Variants in CCDC146 observed in about 807,000 individuals in gnomAD.
CCDC146 encodes coiled-coil domain-containing protein 146.
Under a neutral mutation model 119.3 loss-of-function variants are expected in CCDC146, and 92 were observed. That is an observed-to-expected ratio of 0.77 (90% confidence interval 0.65 to 0.92). The LOEUF (loss-of-function observed/expected upper bound fraction) is 0.92, where lower values mean the gene tolerates loss of function less well. CCDC146 is among the 40% of genes least tolerant of loss of function. The pLI is 0.00. For synonymous variants in CCDC146, 372 were observed against 371.8 expected (o/e 1.00, Z -0.01); for missense variants, 1,000 against 1,103.0 (o/e 0.91, Z 1.32).
chr7:77,287,271 T>A (rs1793864847), intron 16 of CCDC146, 169 bp from the exon 17 acceptor site: 6 of 655,156 alleles, frequency 9.2e-6, no homozygotes, highest in Non-Finnish European at 1.6e-5. Context: ...ATACTCGAAC[T>A]CCCAGAGGTA....
intron 2 of CCDC146, among the ~76,000 whole-genome samples, chr7:77,203,249 G>A (rs979920856): frequency 5.3e-5 from 8 of 151,998 alleles, no homozygotes; most frequent in African/African-American, 1.9e-4. Flanking sequence ...GAAAGAGAGG[G>A]ACAACTCTGA....
chr7:77,239,455 C>G (rs1034057647), intron 3 of CCDC146, among the ~76,000 whole-genome samples: 1 of 152,210 alleles, frequency 6.6e-6, no homozygotes, highest in Non-Finnish European at 1.5e-5. Context: ...TTGCTAGATG[C>G]TATTGAGCAA....
chr7:77,260,690 G>T (rs1302487736), intron 8 of CCDC146, among the ~76,000 whole-genome samples: 1 of 152,128 alleles, frequency 6.6e-6, no homozygotes, highest in Non-Finnish European at 1.5e-5. Context: ...GCAGTGGCAC[G>T]ATCTTGGCTC....
intron 2 of CCDC146, among the ~76,000 whole-genome samples, chr7:77,200,360 C>T (rs1026865499): frequency 6.6e-6 from 1 of 152,198 alleles, no homozygotes; most frequent in African/African-American, 2.4e-5. Flanking sequence ...TTGCAGTTGA[C>T]TTTTGCTTCA....
At chr7:77,265,594 C>T (rs1038271557) in intron 9 of CCDC146, among the ~76,000 whole-genome samples, 2 of 152,066 alleles carry the variant, frequency 1.3e-5, no homozygotes, top group Admixed American at 1.3e-4. Flanking sequence ...TCACTTCTAC[C>T]AGAAAATCTA....
intron 2 of CCDC146, among the ~76,000 whole-genome samples, chr7:77,206,286 TG>T (rs906083452): frequency 2.6e-5 from 4 of 152,166 alleles, no homozygotes; most frequent in African/African-American, 4.8e-5. Context: ...CTTGTGTTTT[TG>T]GGGGGTTTTG....
At chr7:77,250,418 C>CAGATATT (rs1004622564) in intron 4 of CCDC146, among the ~76,000 whole-genome samples, 3 of 152,172 alleles carry the variant, frequency 2.0e-5, no homozygotes, top group African/African-American at 7.2e-5. Context: ...CTTTATTTCT[C>CAGATATT]CTTTACTTTG....
At chr7:77,147,427 T>G (rs11973252) in intron 1 of CCDC146, among the ~76,000 whole-genome samples, 1,672 of 152,366 alleles carry the variant, frequency 0.011, 23 homozygotes, top group African/African-American at 0.038. Flanking sequence ...GTCATTCTCC[T>G]TCCAGCTTTG....
intron 2 of CCDC146, among the ~76,000 whole-genome samples, chr7:77,186,224 C>A (rs1410154823): frequency 6.6e-6 from 1 of 151,984 alleles, no homozygotes; most frequent in East Asian, 1.9e-4. Context: ...CATAATAGCC[C>A]AGGTTTGGAT....
intron 1 of CCDC146, among the ~76,000 whole-genome samples, chr7:77,150,779 A>G (rs895213222): frequency 2.0e-5 from 3 of 152,248 alleles, no homozygotes; most frequent in African/African-American, 4.8e-5. Flanking sequence ...CTTGATTCAT[A>G]GTAGCTAACA....
chr7:77,274,369 T>C (rs1283484553), intron 10 of CCDC146, 113 bp from the exon 11 acceptor site: 1 of 738,364 alleles, frequency 1.4e-6, no homozygotes, highest in Non-Finnish European at 2.1e-6. Context: ...ACACCTGGCC[T>C]GTTTAAAAAA....
intron 1 of CCDC146, among the ~76,000 whole-genome samples, chr7:77,145,873 G>T (rs924188225): frequency 4.6e-5 from 7 of 152,156 alleles, no homozygotes; most frequent in Admixed American, 6.5e-5. Context: ...GTGATGTGGT[G>T]CTGAGAAGAA....
intron 1 of CCDC146, among the ~76,000 whole-genome samples, chr7:77,128,974 G>GTGATCCTAATTC (rs1305848641): frequency 2.6e-5 from 4 of 152,084 alleles, no homozygotes; most frequent in Non-Finnish European, 5.9e-5. Context: ...ACTAGAGAAG[G>GTGATCCTAATTC]TGATCCTAAT....
intron 14 of CCDC146, among the ~76,000 whole-genome samples, chr7:77,281,399 G>C (rs1793762343): frequency 6.6e-6 from 1 of 152,164 alleles, no homozygotes; most frequent in Non-Finnish European, 1.5e-5. Flanking sequence ...ATTTCTTCCA[G>C]GTTGCAGTTA....
chr7:77,181,845 T>C (rs1017127078), intron 2 of CCDC146, among the ~76,000 whole-genome samples: 8 of 152,218 alleles, frequency 5.3e-5, no homozygotes, highest in African/African-American at 1.4e-4. Flanking sequence ...GGATTTTGTG[T>C]CATACCTTAA....
chr7:77,289,407 T>C (rs73703312), intron 17 of CCDC146, among the ~76,000 whole-genome samples: 2,691 of 152,270 alleles, frequency 0.018, 81 homozygotes, highest in African/African-American at 0.061. Context: ...ATGCTCTCCA[T>C]TGGCTTCTTC....
At chr7:77,186,282 T>A (rs1791665583) in intron 2 of CCDC146, among the ~76,000 whole-genome samples, 1 of 152,038 alleles carries the variant, frequency 6.6e-6, no homozygotes, top group Non-Finnish European at 1.5e-5. Flanking sequence ...ATGTAGTACA[T>A]ACACACTATA....
intron 9 of CCDC146, among the ~76,000 whole-genome samples, chr7:77,270,838 C>T (rs6976610): frequency 0.093 from 14,088 of 152,078 alleles, 1,211 homozygotes; most frequent in East Asian, 0.42. Context: ...GCTATTCCAC[C>T]TTAAGCATAA....
intron 2 of CCDC146, among the ~76,000 whole-genome samples, chr7:77,178,349 T>C (rs1333468145): frequency 2.0e-5 from 3 of 152,166 alleles, no homozygotes; most frequent in Admixed American, 6.6e-5. Context: ...GAAAAATTGG[T>C]CCTTTACCTC....
Sources: gnomAD v4.1 joint callset for allele counts (sites outside exome capture counted in the v4.1 genomes callset) on GRCh38, gnomAD v4.1.1 for gene constraint, MANE v1.5 for transcripts, NCBI Gene and HGNC (gene_info 2026-07-23, HGNC 2026-07-21) for gene names.